TRIM2: variants seen among roughly 807,000 people sequenced by gnomAD.
TRIM2 encodes the protein tripartite motif containing 2, also known as tripartite motif-containing protein 2.
A neutral mutation model predicts 75.2 loss-of-function variants in TRIM2; 20 were observed. The observed-to-expected ratio is 0.27, with a 90% CI of 0.19 to 0.39. The LOEUF (loss-of-function observed/expected upper bound fraction) is 0.39. TRIM2 is among the 10% of genes least tolerant of loss of function. The pLI is 1.00. For synonymous variants in TRIM2, 373 were observed against 388.3 expected (o/e 0.96, Z 0.46); for missense variants, 660 against 990.8 (o/e 0.67, Z 4.48).
chr4:153,319,276 T>C (rs1280735708), intron 8 of TRIM2, among the ~76,000 whole-genome samples: 2 of 152,178 alleles, frequency 1.3e-5, no homozygotes, highest in African/African-American at 4.8e-5. Context: ...CCCCACTGCC[T>C]CCTATCTTCC....
At chr4:153,301,566 G>T (rs940463053) in intron 6 of TRIM2, among the ~76,000 whole-genome samples, 1 of 152,140 alleles carries the variant, frequency 6.6e-6, no homozygotes, top group African/African-American at 2.4e-5. Context: ...TCGTTGCCCA[G>T]AACAGTGTCA....
intron 10 of TRIM2, among the ~76,000 whole-genome samples, chr4:153,325,143 A>G (rs952247841): frequency 2.0e-5 from 3 of 152,180 alleles, no homozygotes; most frequent in Non-Finnish European, 4.4e-5. Context: ...GTTTTTTAAC[A>G]CCCAAAGGTA....
chr4:153,260,442 T>C (rs1753121670), intron 1 of TRIM2, among the ~76,000 whole-genome samples: 1 of 151,826 alleles, frequency 6.6e-6, no homozygotes, highest in Non-Finnish European at 1.5e-5. Flanking sequence ...CTTTATATAC[T>C]AAAGAAAGAG....
At chr4:153,257,230 C>A in intron 1 of TRIM2, 1 of 223,986 alleles carries the variant, frequency 4.5e-6, no homozygotes, top group Non-Finnish European at 8.5e-6. Context: ...ATCCTGCAGT[C>A]ACTTTCTGGT....
chr4:153,244,411 CTT>C (rs1560875339), intron 1 of TRIM2, among the ~76,000 whole-genome samples: 9 of 89,818 alleles, frequency 1.0e-4, no homozygotes, highest in Non-Finnish European at 1.4e-4. Context: ...TCTTCTTCTT[CTT>C]CTTCTTCTTC....
rs921960605 is a variant in TRIM2, at chr4:153,313,672, A to G, written c.1511-1813A>G. 4.0e-5 allele frequency among the ~76,000 whole-genome samples: 5 copies of G among 124,476 alleles called. No individual in the cohort carries two copies. The Admixed American group carries it at 5.4e-4, about 13-fold the overall frequency. 81.7% of individuals were successfully genotyped at this position (124,476 alleles called of 152,430 possible). A position where few individuals can be genotyped will look rare whatever the true frequency, so the allele number is the denominator to read the frequency against. On this transcript the variant is annotated intron_variant, in intron 6 of 11. Coordinates refer to ENST00000338700, the MANE Select transcript of TRIM2 (RefSeq NM_015271.5). ...TTTTGAGACAGAGTCTTGCTCTGTCATCTAGGCTAGAGTGCAGTGGTGTGA... is the reference window on the plus strand; with the variant it reads ...TTTTGAGACAGAGTCTTGCTCTGTCGTCTAGGCTAGAGTGCAGTGGTGTGA...
At chr4:153,320,613 T>G (rs76090275) in intron 8 of TRIM2, among the ~76,000 whole-genome samples, 308 of 152,248 alleles carry the variant, frequency 2.0e-3, no homozygotes, top group Non-Finnish European at 3.7e-3. Context: ...ATTTGTTTAA[T>G]AGCATGTCTG....
intron 1 of TRIM2, among the ~76,000 whole-genome samples, chr4:153,222,066 A>AGGGAGGGAGCGAGGT (rs1579735106): frequency 7.4e-6 from 1 of 134,798 alleles, no homozygotes; most frequent in African/African-American, 2.6e-5. Context: ...GGAAGGAAGG[A>AGGGAGGGAGCGAGGT]AGGAAAGAAA....
intron 1 of TRIM2, among the ~76,000 whole-genome samples, chr4:153,220,854 C>T (rs1739759494): frequency 6.6e-6 from 1 of 152,062 alleles, no homozygotes; most frequent in Non-Finnish European, 1.5e-5. Context: ...CCACTTCACA[C>T]CCACCAAGAA....
intron 1 of TRIM2, among the ~76,000 whole-genome samples, chr4:153,236,275 C>T (rs950538884): frequency 1.3e-5 from 2 of 152,052 alleles, no homozygotes; most frequent in African/African-American, 4.8e-5. Context: ...ACAGTTAAGG[C>T]CATCCCCAAC....
At chr4:153,213,186 G>C (rs1579618630) in intron 1 of TRIM2, among the ~76,000 whole-genome samples, 1 of 152,212 alleles carries the variant, frequency 6.6e-6, no homozygotes, top group African/African-American at 2.4e-5. Flanking sequence ...CTGAGGCTCA[G>C]ATTGTTGAGA....
chr4:153,233,027 C>T (rs1163676338), intron 1 of TRIM2, among the ~76,000 whole-genome samples: 1 of 152,196 alleles, frequency 6.6e-6, no homozygotes, highest in African/African-American at 2.4e-5. Flanking sequence ...AAGTCAAATG[C>T]ATTCCAGCAG....
At chr4:153,199,086 T>A (rs1231348664) in intron 1 of TRIM2, among the ~76,000 whole-genome samples, 2 of 152,180 alleles carry the variant, frequency 1.3e-5, no homozygotes, top group African/African-American at 4.8e-5. Flanking sequence ...AATAGGCCAA[T>A]GCTAAGTAAT....
intron 1 of TRIM2, among the ~76,000 whole-genome samples, chr4:153,215,413 G>A (rs1453270325): frequency 1.3e-5 from 2 of 152,122 alleles, no homozygotes; most frequent in Admixed American, 6.5e-5. Context: ...TGATGTTGAT[G>A]TGGTGCCGTT....
At chr4:153,210,452 G>C (rs141841909) in intron 1 of TRIM2, among the ~76,000 whole-genome samples, 39 of 152,258 alleles carry the variant, frequency 2.6e-4, no homozygotes, top group African/African-American at 8.9e-4. Context: ...AAATCTGCAA[G>C]GCCATCTTTT....
At chr4:153,326,225 T>TTTTA (rs1402674812) in intron 10 of TRIM2, among the ~76,000 whole-genome samples, 1 of 152,230 alleles carries the variant, frequency 6.6e-6, no homozygotes, top group African/African-American at 2.4e-5. Flanking sequence ...TTAAATGGCA[T>TTTTA]TTTAGTCGGG....
chr4:153,206,615 T>C (rs556082454), intron 1 of TRIM2, among the ~76,000 whole-genome samples: 156 of 152,190 alleles, frequency 1.0e-3, no homozygotes, highest in Non-Finnish European at 1.6e-3. Flanking sequence ...GGAGGCCTCA[T>C]TACAAAGGCA....
At chr4:153,291,643 T>C (rs1761851249) in intron 3 of TRIM2, among the ~76,000 whole-genome samples, 11 of 152,180 alleles carry the variant, frequency 7.2e-5, no homozygotes, top group Admixed American at 7.2e-4. Context: ...AACAAGGTAA[T>C]ACCTCTGCAA....
At chr4:153,221,944 TGAGGAAGGAAGGAAAGAGGGAGGAAGG>T (rs1740400119) in intron 1 of TRIM2, among the ~76,000 whole-genome samples, 4 of 47,850 alleles carry the variant, frequency 8.4e-5, no homozygotes, top group Admixed American at 3.1e-4. Context: ...AACGAAAGAG[TGAGGAAGGAAGGAAAGAGGGAGGAAGG>T]GAGGAAGGAA....
Sources: gnomAD v4.1 joint callset for allele counts (sites outside exome capture counted in the v4.1 genomes callset) on GRCh38, gnomAD v4.1.1 for gene constraint, MANE v1.5 for transcripts, NCBI Gene and HGNC (gene_info 2026-07-23, HGNC 2026-07-21) for gene names.